Variants in TRDN observed in about 807,000 individuals in gnomAD.
The protein encoded by TRDN is triadin in skeletal muscle.
In TRDN, 161 loss-of-function variants were observed where a neutral mutation model predicts 149.7. The ratio of observed to expected loss-of-function variants is 1.08; its 90% CI spans 0.95 to 1.23. The LOEUF is 1.23. TRDN is among the 50% of genes most tolerant of loss of function. TRDN has a pLI of 0.00. For synonymous variants in TRDN, 294 were observed against 250.5 expected (o/e 1.17, Z -1.64); for missense variants, 896 against 823.5 (o/e 1.09, Z -1.08).
In TRDN at chr6:123,470,311, T is replaced by A. The variant is rs568424233; in HGVS notation, c.854-5328A>T. On this transcript the variant is annotated intron_variant, in intron 9 of 40. Transcript: ENST00000334268. ...GAGGGGACAGACAGGAAACAGGCAA[T>A]TATCACCTAACTTAGGTCTGTTGTT... 5.9e-5 allele frequency: 9 copies of A among 152,234 alleles called. No individual in the cohort carries two copies. The East Asian group carries it at 1.5e-3, about 26-fold the overall frequency. 9.4% of individuals were successfully genotyped at this position (152,234 alleles called of 1,614,324 possible). A position where few individuals can be genotyped will look rare whatever the true frequency, so the allele number is the denominator to read the frequency against.
intron 26 of TRDN, among the ~76,000 whole-genome samples, chr6:123,275,848 G>A (rs1582811262): frequency 6.6e-6 from 1 of 152,136 alleles, no homozygotes; most frequent in East Asian, 1.9e-4. Flanking sequence ...AGTCCATTTT[G>A]TGCTGCTATA....
At chr6:123,537,206 C>T (rs1243341885) in intron 4 of TRDN, among the ~76,000 whole-genome samples, 2 of 152,098 alleles carry the variant, frequency 1.3e-5, no homozygotes, top group African/African-American at 4.8e-5. Context: ...TTTCTATTCC[C>T]TTTGTTCTGC....
intron 33 of TRDN, among the ~76,000 whole-genome samples, chr6:123,263,053 G>A (rs757301658): frequency 2.0e-5 from 3 of 152,016 alleles, no homozygotes; most frequent in Non-Finnish European, 4.4e-5. Context: ...AGTGAGAAAG[G>A]CATGTTGAAA....
At chr6:123,513,894 A>C (rs924222258) in intron 6 of TRDN, among the ~76,000 whole-genome samples, 1 of 152,032 alleles carries the variant, frequency 6.6e-6, no homozygotes, top group African/African-American at 2.4e-5. Context: ...TGTTTAACAA[A>C]ACAAAAAACT....
intron 24 of TRDN, among the ~76,000 whole-genome samples, chr6:123,312,215 C>T (rs1016568440): frequency 7.9e-5 from 12 of 151,784 alleles, no homozygotes; most frequent in African/African-American, 2.9e-4. Flanking sequence ...TTTTTGGAGA[C>T]ATGAAAAAGC....
At chr6:123,472,709 C>T (rs370028191) in intron 9 of TRDN, among the ~76,000 whole-genome samples, 2 of 152,142 alleles carry the variant, frequency 1.3e-5, no homozygotes, top group African/African-American at 4.8e-5. Context: ...AGAGCAGTGG[C>T]TCTCCCAGCA....
chr6:123,325,508 T>C (rs1003722453), intron 23 of TRDN, among the ~76,000 whole-genome samples: 6 of 152,104 alleles, frequency 3.9e-5, no homozygotes, highest in South Asian at 2.1e-4. Flanking sequence ...CATATGTGAA[T>C]TGCAATACTA....
chr6:123,338,852 T>C (rs1468426753), intron 21 of TRDN, among the ~76,000 whole-genome samples: 2 of 152,120 alleles, frequency 1.3e-5, no homozygotes, highest in Admixed American at 6.6e-5. Flanking sequence ...TAAAGTTATA[T>C]AGATAATAGG....
intron 24 of TRDN, among the ~76,000 whole-genome samples, chr6:123,290,015 T>G (rs1777946276): frequency 6.6e-6 from 1 of 152,162 alleles, no homozygotes; most frequent in Admixed American, 6.5e-5. Context: ...ACTGGGAGTC[T>G]TGGACCCAAG....
intron 2 of TRDN, among the ~76,000 whole-genome samples, chr6:123,549,132 T>C (rs1281275558): frequency 2.0e-5 from 3 of 152,106 alleles, no homozygotes; most frequent in Admixed American, 1.3e-4. Context: ...AGTGATCATA[T>C]CAAGCTCTAG....
At chr6:123,523,475 T>C (rs906286752) in intron 5 of TRDN, among the ~76,000 whole-genome samples, 8 of 151,950 alleles carry the variant, frequency 5.3e-5, no homozygotes, top group African/African-American at 1.9e-4. Flanking sequence ...ATATGCCAGG[T>C]TGGAAAATGT....
At chr6:123,269,184 T>C (rs928812212) in intron 31 of TRDN, among the ~76,000 whole-genome samples, 1 of 152,008 alleles carries the variant, frequency 6.6e-6, no homozygotes, top group Non-Finnish European at 1.5e-5. Context: ...TATTTATGCC[T>C]TCCTGAGTCC....
intron 37 of TRDN, 173 bp downstream of exon 37, chr6:123,254,908 T>G: frequency 1.8e-6 from 1 of 546,638 alleles, no homozygotes. Context: ...TCTTATTTTC[T>G]ATTGAAATAT....
chr6:123,356,177 C>T (rs1310233737), intron 20 of TRDN, among the ~76,000 whole-genome samples: 4 of 151,618 alleles, frequency 2.6e-5, no homozygotes, highest in Non-Finnish European at 5.9e-5. Context: ...CTGGTGATCG[C>T]AAACATCCTT....
At chr6:123,399,768 G>A (rs780583826) in intron 12 of TRDN, among the ~76,000 whole-genome samples, 2 of 152,050 alleles carry the variant, frequency 1.3e-5, no homozygotes, top group Non-Finnish European at 2.9e-5. Flanking sequence ...CATTTTTGAT[G>A]GCAAATTTCT....
intron 21 of TRDN, among the ~76,000 whole-genome samples, chr6:123,338,412 G>A (rs1309032234): frequency 1.3e-5 from 2 of 152,146 alleles, no homozygotes; most frequent in African/African-American, 4.8e-5. Context: ...AAAAGGTCAT[G>A]CAGTATTCAC....
intron 23 of TRDN, among the ~76,000 whole-genome samples, chr6:123,330,192 A>C (rs1779608292): frequency 6.6e-6 from 1 of 152,110 alleles, no homozygotes; most frequent in African/African-American, 2.4e-5. Context: ...GCACCTTTTA[A>C]AAATATTTCC....
Position 123,376,814 on chromosome 6 carries a change from C to T in TRDN, c.1246+902G>A, listed in dbSNP as rs376589332. Among the ~76,000 whole-genome samples the T allele has an allele frequency of 5.3e-5, 8 of 152,082 alleles. No homozygotes were observed. The East Asian group carries it at 1.2e-3, about 22-fold the overall frequency. Reference sequence around the variant, plus strand: ...TTTTTTAAATAAGATTGAGCAGATGCTATTTCCATTTAAATAAAATGAAAT... The same window carrying T: ...TTTTTTAAATAAGATTGAGCAGATGTTATTTCCATTTAAATAAAATGAAAT... On this transcript the variant is annotated intron_variant, in intron 18 of 40. Coordinates refer to ENST00000334268, the MANE Select transcript of TRDN (RefSeq NM_006073.4).
chr6:123,378,381 T>C (rs1335233572), intron 16 of TRDN, among the ~76,000 whole-genome samples: 4 of 152,062 alleles, frequency 2.6e-5, no homozygotes, highest in Non-Finnish European at 5.9e-5. Flanking sequence ...CTGGGCTTAA[T>C]TGATCCTCCA....
Sources: allele counts gnomAD v4.1 joint callset (sites outside exome capture counted in the v4.1 genomes callset), GRCh38; gene constraint gnomAD v4.1.1; transcripts MANE v1.5; gene names NCBI Gene and HGNC (gene_info 2026-07-23, HGNC 2026-07-21).